Variants in SGCZ observed in about 807,000 individuals in gnomAD.
SGCZ encodes the protein zeta-sarcoglycan.
In SGCZ, 40 loss-of-function variants were observed where a neutral mutation model predicts 41.3. The ratio of observed to expected loss-of-function variants is 0.97; its 90% confidence interval spans 0.75 to 1.26. The LOEUF (loss-of-function observed/expected upper bound fraction) is 1.26. Ranked by LOEUF, SGCZ falls within the 50% of genes most tolerant of loss-of-function variation. The probability of loss-of-function intolerance (pLI) is 0.00; values close to 1 mark genes in which losing one functional copy is unlikely to be tolerated. For missense variants in SGCZ, 552 were observed against 369.8 expected, an observed-to-expected ratio of 1.49 and a Z score of -4.04; for synonymous variants, 206 against 137.5, an observed-to-expected ratio of 1.50 and a Z score of -3.49.
chr8:14,526,299 G>C (rs541113991), intron 2 of SGCZ, among the ~76,000 whole-genome samples: 1 of 152,044 alleles, frequency 6.6e-6, no homozygotes, highest in East Asian at 1.9e-4. Context: ...CTATTTCTAG[G>C]TCTGTCAGTA....
intron 2 of SGCZ, among the ~76,000 whole-genome samples, chr8:14,404,926 G>A (rs1799170831): frequency 6.6e-6 from 1 of 152,196 alleles, no homozygotes; most frequent in South Asian, 2.1e-4. Flanking sequence ...TTCGTTCCCT[G>A]TGGCTATTGC....
chr8:15,112,267 T>G (rs537382212), intron 1 of SGCZ, among the ~76,000 whole-genome samples: 1 of 152,364 alleles, frequency 6.6e-6, no homozygotes, highest in East Asian at 1.9e-4. Context: ...TTCTCAACTT[T>G]AATTTCCCTT....
intron 2 of SGCZ, among the ~76,000 whole-genome samples, chr8:14,541,881 G>A (rs1457242705): frequency 1.3e-5 from 2 of 152,110 alleles, no homozygotes; most frequent in Non-Finnish European, 1.5e-5. Flanking sequence ...CCAATGACCA[G>A]TGATGATGAG....
In SGCZ at chr8:14,750,972, T is replaced by C. The variant is rs530050048; in HGVS notation, c.40-196046A>G. Among the ~76,000 whole-genome samples the C allele has an allele frequency of 2.0e-4, 30 of 152,290 alleles. No individual in the cohort carries two copies. In the South Asian group the frequency reaches 5.8e-3, roughly 29 times the overall value. ...ACATGGTTAATAACAGGCTGTTCAATTGAAGCATTGTTATGAACCAAATGA... is the reference window on the plus strand; with the variant it reads ...ACATGGTTAATAACAGGCTGTTCAACTGAAGCATTGTTATGAACCAAATGA... On this transcript the variant is annotated intron_variant, in intron 1 of 7. Coordinates refer to ENST00000382080, the MANE Select transcript of SGCZ (RefSeq NM_139167.4).
intron 1 of SGCZ, among the ~76,000 whole-genome samples, chr8:14,908,807 A>G (rs926482416): frequency 6.6e-6 from 1 of 151,542 alleles, no homozygotes; most frequent in African/African-American, 2.4e-5. Flanking sequence ...AAAAATATTA[A>G]TATGTCAGAG....
At chr8:14,668,677 A>G (rs1335849255) in intron 1 of SGCZ, among the ~76,000 whole-genome samples, 2 of 152,224 alleles carry the variant, frequency 1.3e-5, no homozygotes, top group African/African-American at 4.8e-5. Flanking sequence ...GGAAATATGA[A>G]GGTACTATAC....
chr8:15,005,431 G>A (rs566181378), intron 1 of SGCZ, among the ~76,000 whole-genome samples: 1 of 148,504 alleles, frequency 6.7e-6, no homozygotes, highest in African/African-American at 2.5e-5. Context: ...TCCTGGGTTC[G>A]AGCGATTCTC....
In SGCZ at chr8:14,086,385, T is replaced by C. The variant is rs1036961674; in HGVS notation, c.*4058A>G. Reference sequence around the variant, plus strand: ...GATACCATGTTTGCAATGAAATAATTTATTAGGAGTTTTATTGTATCAAAT... The same window carrying C: ...GATACCATGTTTGCAATGAAATAATCTATTAGGAGTTTTATTGTATCAAAT... On this transcript the variant is annotated 3_prime_UTR_variant, in exon 8 of 8. Transcript: ENST00000382080. Among the ~76,000 whole-genome samples the C allele has an allele frequency of 6.6e-6, 1 of 151,716 alleles. No individual in the cohort carries two copies. The highest frequency in any genetic ancestry group is 1.5e-5 in the Non-Finnish European group (1 of 67,746).
intron 1 of SGCZ, among the ~76,000 whole-genome samples, chr8:15,163,519 TTTC>T (rs1323690715): frequency 6.6e-6 from 1 of 152,354 alleles, no homozygotes; most frequent in African/African-American, 2.4e-5. Context: ...TGGTTTCTTT[TTTC>T]TTCTTCATTT....
intron 1 of SGCZ, among the ~76,000 whole-genome samples, chr8:14,719,653 T>C (rs1359121112): frequency 6.6e-6 from 1 of 152,090 alleles, no homozygotes; most frequent in African/African-American, 2.4e-5. Context: ...AAATGTCTTC[T>C]TTTGAGAAGT....
chr8:14,272,647 G>A (rs1032288925), intron 3 of SGCZ, among the ~76,000 whole-genome samples: 1 of 152,148 alleles, frequency 6.6e-6, no homozygotes, highest in Non-Finnish European at 1.5e-5. Context: ...GTGTCCTGGT[G>A]TGTAGAATAA....
chr8:14,573,524 T>C (rs938471679), intron 1 of SGCZ, among the ~76,000 whole-genome samples: 21 of 152,136 alleles, frequency 1.4e-4, no homozygotes, highest in African/African-American at 5.1e-4. Flanking sequence ...ACATTACCAA[T>C]TTCTCCTACC....
intron 2 of SGCZ, among the ~76,000 whole-genome samples, chr8:14,485,527 T>G (rs993785342): frequency 6.6e-6 from 1 of 152,128 alleles, no homozygotes; most frequent in African/African-American, 2.4e-5. Flanking sequence ...TGAGCCACCA[T>G]GCCCAGCCAA....
At chr8:14,590,851 AAT>A (rs1279692709) in intron 1 of SGCZ, among the ~76,000 whole-genome samples, 14 of 148,480 alleles carry the variant, frequency 9.4e-5, no homozygotes, top group Admixed American at 6.1e-4. Flanking sequence ...TATTATGAAT[AAT>A]ATGTCATATA....
In SGCZ at chr8:14,881,968, G is replaced by A. The variant is rs1804606101; in HGVS notation, c.40-327042C>T. On this transcript the variant is annotated intron_variant, in intron 1 of 7. Transcript: ENST00000382080. The stretch of plus-strand genomic sequence containing the variant: ...CATGGAAATTGAACAACCTCTTCCT[G>A]AATGACTCCTGGGTAAATAATGAAA... 2.6e-5 allele frequency among the ~76,000 whole-genome samples: 4 copies of A among 152,260 alleles called. No homozygotes were observed. In the South Asian group the frequency reaches 8.3e-4, roughly 32 times the overall value.
At chr8:14,800,653 C>T (rs575900365) in intron 1 of SGCZ, among the ~76,000 whole-genome samples, 1 of 152,218 alleles carries the variant, frequency 6.6e-6, no homozygotes, top group South Asian at 2.1e-4. Context: ...TCTTTCTCTC[C>T]TTCTGCCATG....
intron 2 of SGCZ, among the ~76,000 whole-genome samples, chr8:14,367,051 C>T (rs1006473577): frequency 1.3e-5 from 2 of 152,090 alleles, no homozygotes; most frequent in Non-Finnish European, 2.9e-5. Flanking sequence ...ATTTTCCAAA[C>T]TTTAATGCTC....
intron 4 of SGCZ, among the ~76,000 whole-genome samples, chr8:14,203,975 G>A (rs1427984462): frequency 1.3e-5 from 2 of 151,932 alleles, no homozygotes; most frequent in Non-Finnish European, 2.9e-5. Context: ...GAAAGGAGTT[G>A]GGGGAAAGAG....
intron 1 of SGCZ, among the ~76,000 whole-genome samples, chr8:15,237,296 C>A (rs928404415): frequency 6.6e-6 from 1 of 152,268 alleles, no homozygotes; most frequent in South Asian, 2.1e-4. Flanking sequence ...AGGGTCTGCA[C>A]CCCAAATGCT....
Sources: gnomAD v4.1 joint callset for allele counts (sites outside exome capture counted in the v4.1 genomes callset) on GRCh38, gnomAD v4.1.1 for gene constraint, MANE v1.5 for transcripts, NCBI Gene and HGNC (gene_info 2026-07-23, HGNC 2026-07-21) for gene names.